Variants in OSBPL10 observed in about 807,000 individuals in gnomAD.
OSBPL10 encodes the protein oxysterol binding protein like 10.
A neutral mutation model predicts 81.7 loss-of-function variants in OSBPL10; 49 were observed. The observed-to-expected ratio is 0.60, with a 90% confidence interval of 0.48 to 0.76. The LOEUF is 0.76. Among genes scored for constraint, OSBPL10 ranks in the 30% least tolerant of loss-of-function variants. The pLI is 0.00. For synonymous variants in OSBPL10, 419 were observed against 383.6 expected (o/e 1.09, Z -1.08); for missense variants, 923 against 987.8 (o/e 0.93, Z 0.88).
chr3:31,990,718 T>G lies in OSBPL10; in HGVS notation n.298+55773A>C, dbSNP rs754701742. ...CAAATGTGAAGAATGTGACACAGTT[T>G]TCAGTCGCAAATCACACCATGAAAC... On this transcript the variant is annotated intron_variant and non_coding_transcript_variant, in intron 2 of 3. Transcript: ENST00000479173. 79 of 1,613,960 alleles carry G rather than the reference T, an allele frequency of 4.9e-5. No individual in the cohort carries two copies. In the Admixed American group the frequency reaches 1.3e-3, roughly 26 times the overall value.
intron 6 of OSBPL10, among the ~76,000 whole-genome samples, chr3:31,705,372 A>ACCCCCCCC (rs3840254): frequency 6.1e-5 from 8 of 130,554 alleles, no homozygotes; most frequent in Non-Finnish European, 6.3e-5. Context: ...CAAAGAGAAG[A>ACCCCCCCC]CCCCCCCCCC....
intron 4 of OSBPL10, among the ~76,000 whole-genome samples, chr3:31,785,039 C>T (rs1226556361): frequency 1.3e-5 from 2 of 152,044 alleles, no homozygotes; most frequent in Non-Finnish European, 2.9e-5. Context: ...TACCTGCCAA[C>T]ACACTTGGTT....
chr3:31,747,487 T>TAAAAAAAAAAAA (rs61150758), intron 5 of OSBPL10, among the ~76,000 whole-genome samples: 1 of 98,482 alleles, frequency 1.0e-5, no homozygotes, highest in African/African-American at 3.7e-5. Context: ...AATCTTCAAA[T>TAAAAAAAAAAAA]AAAAAAAAAA....
At chr3:31,703,814 T>A (rs1239376793) in intron 6 of OSBPL10, 4 of 152,186 alleles carry the variant, frequency 2.6e-5, no homozygotes, top group African/African-American at 7.2e-5. Flanking sequence ...CACAGGATAT[T>A]CCCCCAGCCA....
intron 4 of OSBPL10, among the ~76,000 whole-genome samples, chr3:31,812,940 A>G (rs1178861950): frequency 2.0e-5 from 3 of 152,196 alleles, no homozygotes; most frequent in South Asian, 2.1e-4. Flanking sequence ...TTTTGCTCAA[A>G]ATATAGAACA....
intron 2 of OSBPL10, among the ~76,000 whole-genome samples, chr3:32,003,158 C>G (rs772891655): frequency 1.3e-5 from 2 of 152,194 alleles, no homozygotes; most frequent in East Asian, 3.9e-4. Flanking sequence ...GAAGGCAAAT[C>G]AACGGAATGT....
At chr3:31,986,432 T>C (rs889387663) in intron 2 of OSBPL10, 15 of 152,092 alleles carry the variant, frequency 9.9e-5, no homozygotes, top group African/African-American at 2.9e-4. Context: ...CACTATCCAG[T>C]GAATAAACAG....
intron 1 of OSBPL10, among the ~76,000 whole-genome samples, chr3:31,959,113 A>C (rs1055186877): frequency 6.6e-6 from 1 of 152,194 alleles, no homozygotes; most frequent in Non-Finnish European, 1.5e-5. Flanking sequence ...ATTTGCCAAC[A>C]AGCCAAGGTC....
intron 3 of OSBPL10, among the ~76,000 whole-genome samples, chr3:31,866,576 T>TAA (rs1034178348): frequency 6.6e-6 from 1 of 152,170 alleles, no homozygotes. Context: ...ATGCCCTGAC[T>TAA]AAAGCCCCTA....
At chr3:31,862,051 G>A (rs1375489720) in intron 3 of OSBPL10, among the ~76,000 whole-genome samples, 3 of 152,112 alleles carry the variant, frequency 2.0e-5, no homozygotes, top group South Asian at 4.2e-4. Context: ...AACTGTCAGC[G>A]GTACTTTGAC....
chr3:31,837,343 AT>A lies in OSBPL10; in HGVS notation c.538-7113del, dbSNP rs1171352831. ...AAATTATATATATATATATATATATATATATATATATATATATATATATATA... is the reference window on the plus strand; with the variant it reads ...AAATTATATATATATATATATATATAATATATATATATATATATATATATA... On this transcript the variant is annotated intron_variant, in intron 3 of 11. Coordinates refer to ENST00000396556, the MANE Select transcript of OSBPL10 (RefSeq NM_017784.5). Among the ~76,000 whole-genome samples, 3 of 26,364 alleles carry A rather than the reference AT, an allele frequency of 1.1e-4. No homozygotes were observed. The East Asian group carries it at 6.3e-3, about 55-fold the overall frequency. 17.3% of individuals were successfully genotyped at this position (26,364 alleles called of 152,430 possible).
intron 1 of OSBPL10, 86 bp downstream of exon 1, chr3:31,980,813 A>G: frequency 1.4e-6 from 2 of 1,410,302 alleles, no homozygotes; most frequent in Non-Finnish European, 1.8e-6. Flanking sequence ...GCGCACACAC[A>G]TACACAGACA....
At chr3:31,793,161 C>T (rs1453346572) in intron 4 of OSBPL10, among the ~76,000 whole-genome samples, 3 of 152,054 alleles carry the variant, frequency 2.0e-5, no homozygotes, top group African/African-American at 7.3e-5. Flanking sequence ...TTTTCTAATT[C>T]TTTCTGTCTC....
At chr3:31,806,805 C>A (rs1382267014) in intron 4 of OSBPL10, among the ~76,000 whole-genome samples, 2 of 151,740 alleles carry the variant, frequency 1.3e-5, no homozygotes, top group East Asian at 3.9e-4. Flanking sequence ...GTGGGGGGAG[C>A]CATGTGGGTG....
At chr3:31,697,142 G>A (rs1389958893) in intron 7 of OSBPL10, among the ~76,000 whole-genome samples, 1 of 152,196 alleles carries the variant, frequency 6.6e-6, no homozygotes, top group Non-Finnish European at 1.5e-5. Flanking sequence ...TAAGTCTTAG[G>A]AAGGCTTACC....
chr3:31,840,567 C>T (rs781487960), intron 3 of OSBPL10, among the ~76,000 whole-genome samples: 1 of 152,174 alleles, frequency 6.6e-6, no homozygotes, highest in Non-Finnish European at 1.5e-5. Flanking sequence ...GATAAAAATG[C>T]AAGATTTGCT....
chr3:31,956,449 T>C (rs1698009500), intron 1 of OSBPL10, among the ~76,000 whole-genome samples: 1 of 152,230 alleles, frequency 6.6e-6, no homozygotes, highest in Non-Finnish European at 1.5e-5. Flanking sequence ...CCGGGCATGG[T>C]GGCTCACCCC....
intron 4 of OSBPL10, among the ~76,000 whole-genome samples, chr3:31,797,197 T>C (rs1273707378): frequency 6.6e-6 from 1 of 152,062 alleles, no homozygotes; most frequent in Non-Finnish European, 1.5e-5. Context: ...TTTTACCATG[T>C]TGGGTCAGGA....
chr3:31,824,473 C>T (rs572685151), intron 4 of OSBPL10, among the ~76,000 whole-genome samples: 74 of 152,262 alleles, frequency 4.9e-4, no homozygotes, highest in Non-Finnish European at 4.1e-4. Context: ...CGTTCTTCAA[C>T]GCACTGAAGG....
Sources: gnomAD v4.1 joint callset for allele counts (sites outside exome capture counted in the v4.1 genomes callset) on GRCh38, gnomAD v4.1.1 for gene constraint, MANE v1.5 for transcripts, NCBI Gene and HGNC (gene_info 2026-07-23, HGNC 2026-07-21) for gene names.